The following APBA1 variants were observed in gnomAD, a reference collection of about 807,000 sequenced individuals.
The protein encoded by APBA1 is amyloid-beta A4 precursor protein-binding family A member 1.
A neutral mutation model predicts 86.6 loss-of-function variants in APBA1; 55 were observed. That is an observed-to-expected ratio of 0.64 (90% confidence interval 0.51 to 0.80). The LOEUF is 0.80. APBA1 is among the 30% of genes least tolerant of loss of function. The pLI, the probability that APBA1 is intolerant of heterozygous loss-of-function variation, is 0.00. For synonymous variants in APBA1, 511 were observed against 493.9 expected (o/e 1.03, Z -0.46); for missense variants, 1,090 against 1,183.0 (o/e 0.92, Z 1.15).
chr9:69,442,588 A>G (rs941276528), intron 10 of APBA1, among the ~76,000 whole-genome samples: 14 of 152,332 alleles, frequency 9.2e-5, no homozygotes, highest in Admixed American at 6.5e-5. Flanking sequence ...TCGCTCAGAG[A>G]CAGCACCTGC....
intron 2 of APBA1, among the ~76,000 whole-genome samples, chr9:69,490,699 C>T (rs1227573125): frequency 1.3e-5 from 2 of 152,068 alleles, no homozygotes; most frequent in East Asian, 3.9e-4. Context: ...TTTTGCAATC[C>T]ACTCCTCTGA....
intron 1 of APBA1, among the ~76,000 whole-genome samples, chr9:69,529,550 A>C (rs144872092): frequency 9.7e-4 from 147 of 152,274 alleles, no homozygotes; most frequent in African/African-American, 3.3e-3. Flanking sequence ...GTTGATCAGA[A>C]TGTAAAGAGA....
intron 1 of APBA1, among the ~76,000 whole-genome samples, chr9:69,646,391 T>C (rs1206588808): frequency 6.6e-6 from 1 of 152,208 alleles, no homozygotes; most frequent in African/African-American, 2.4e-5. Flanking sequence ...TCTGTAATTG[T>C]GCTGATCGTT....
At chr9:69,482,271 T>G (rs1835524446) in intron 2 of APBA1, among the ~76,000 whole-genome samples, 1 of 55,442 alleles carries the variant, frequency 1.8e-5, no homozygotes, top group African/African-American at 6.0e-5. Context: ...CAAACAAATT[T>G]ACAAGAAAAA....
intron 1 of APBA1, among the ~76,000 whole-genome samples, chr9:69,528,274 G>C (rs538559693): frequency 1.4e-4 from 21 of 152,126 alleles, no homozygotes; most frequent in Admixed American, 1.3e-3. Flanking sequence ...TCATCCACTT[G>C]GATTAATTCA....
chr9:69,545,501 G>C (rs1836683583), intron 1 of APBA1, among the ~76,000 whole-genome samples: 1 of 152,146 alleles, frequency 6.6e-6, no homozygotes, highest in Non-Finnish European at 1.5e-5. Flanking sequence ...ATATAAACAA[G>C]AACACAGGAT....
Position 69,431,175 on chromosome 9 carries a change from A to T in APBA1, c.*152T>A. ...AAAAAAAAAAAAGCAAATCGGAGAG[A>T]GTAAAGAGGTCCTTGTGGATTCTTC... On this transcript the variant is annotated 3_prime_UTR_variant, in exon 13 of 13. Coordinates refer to ENST00000265381, the MANE Select transcript of APBA1 (RefSeq NM_001163.4). 4.0e-6 allele frequency: 2 copies of T among 495,596 alleles called. No individual in the cohort carries two copies. The highest frequency in any genetic ancestry group is 3.6e-6 in the Non-Finnish European group (1 of 277,774). The allele number at this position is 495,596 out of a possible 1,614,324, so 30.7% of individuals were successfully genotyped here. A position where few individuals can be genotyped will look rare whatever the true frequency, so the allele number is the denominator to read the frequency against.
chr9:69,617,024 C>T (rs1026797331), intron 1 of APBA1, among the ~76,000 whole-genome samples: 1 of 152,076 alleles, frequency 6.6e-6, no homozygotes, highest in Admixed American at 6.6e-5. Flanking sequence ...GCCATTGTAA[C>T]CTTACACACA....
Position 69,619,866 on chromosome 9 carries a change from G to A in APBA1, c.-70+52287C>T, listed in dbSNP as rs548418445. On this transcript the variant is annotated intron_variant, in intron 1 of 12. Transcript: ENST00000265381. ...TGCACATACACACACATTATGTTCT[G>A]CTGAATGACATAAACTGCAACTTTT... Among the ~76,000 whole-genome samples, 6 of 152,248 alleles carry A rather than the reference G, an allele frequency of 3.9e-5. No homozygotes were observed. The East Asian group carries it at 7.7e-4, about 20-fold the overall frequency.
At chr9:69,530,791 A>T (rs1264907462) in intron 1 of APBA1, among the ~76,000 whole-genome samples, 3 of 152,196 alleles carry the variant, frequency 2.0e-5, no homozygotes, top group African/African-American at 7.2e-5. Flanking sequence ...ATTATATCAC[A>T]TACCACACCA....
At chr9:69,486,433 T>G (rs2133853115) in intron 2 of APBA1, among the ~76,000 whole-genome samples, 1 of 152,222 alleles carries the variant, frequency 6.6e-6, no homozygotes, top group African/African-American at 2.4e-5. Flanking sequence ...TCTGTGTTCC[T>G]AACACTGGGC....
intron 1 of APBA1, among the ~76,000 whole-genome samples, chr9:69,546,296 G>A (rs75707266): frequency 0.016 from 2,476 of 152,294 alleles, 65 homozygotes; most frequent in African/African-American, 0.056. Flanking sequence ...ATTCTGATGC[G>A]GAGGTCAGTC....
intron 10 of APBA1, among the ~76,000 whole-genome samples, chr9:69,444,326 C>T (rs201952273): frequency 1.3e-5 from 2 of 152,224 alleles, no homozygotes; most frequent in East Asian, 1.9e-4. Flanking sequence ...TCCAGGCCTT[C>T]CATATGCGGC....
rs562236014 is a variant in APBA1, at chr9:69,450,635, T to C, written c.1969-839A>G. ...GGAGACACATTCTGTTAAGGTTGAA[T>C]TGTGTCCCCCCAAAATTTGTATGTT... is the stretch of plus-strand genomic sequence containing the variant. On this transcript the variant is annotated intron_variant, in intron 9 of 12. Transcript: ENST00000265381. Among the ~76,000 whole-genome samples, 27 of 152,310 alleles carry C rather than the reference T, an allele frequency of 1.8e-4. No individual in the cohort carries two copies. The South Asian group carries it at 2.3e-3, about 13-fold the overall frequency.
chr9:69,485,777 C>G lies in APBA1; in HGVS notation c.1201-9634G>C, dbSNP rs543528980. Among the ~76,000 whole-genome samples the G allele has an allele frequency of 2.0e-5, 3 of 152,218 alleles. No homozygotes were observed. In the South Asian group the frequency reaches 6.2e-4, roughly 32 times the overall value. ...AAATGTTCTAGCAGATTCTCTACAG[C>G]TACCATCTAAGTTTTACCACCACAG... On this transcript the variant is annotated intron_variant, in intron 2 of 12. Coordinates refer to ENST00000265381, the MANE Select transcript of APBA1 (RefSeq NM_001163.4).
intron 4 of APBA1, among the ~76,000 whole-genome samples, chr9:69,469,098 C>A (rs910973539): frequency 6.6e-6 from 1 of 152,022 alleles, no homozygotes; most frequent in Non-Finnish European, 1.5e-5. Flanking sequence ...TGGGCTCAAG[C>A]AATTTGCCCG....
chr9:69,536,817 T>C (rs1435816926), intron 1 of APBA1, among the ~76,000 whole-genome samples: 1 of 150,736 alleles, frequency 6.6e-6, no homozygotes, highest in African/African-American at 2.4e-5. Flanking sequence ...GAGGCTGAGG[T>C]TGCAGTGAAC....
At chr9:69,654,895 G>A (rs985667475) in intron 1 of APBA1, among the ~76,000 whole-genome samples, 2 of 152,120 alleles carry the variant, frequency 1.3e-5, no homozygotes, top group African/African-American at 4.8e-5. Context: ...TGAAAGGATG[G>A]TTCAATATAG....
At chr9:69,473,359 G>A (rs993192784) in intron 3 of APBA1, among the ~76,000 whole-genome samples, 2 of 152,050 alleles carry the variant, frequency 1.3e-5, no homozygotes, top group Non-Finnish European at 2.9e-5. Flanking sequence ...TCTTCATAGG[G>A]GCCTAAAACT....
Sources: allele counts gnomAD v4.1 joint callset (sites outside exome capture counted in the v4.1 genomes callset), GRCh38; gene constraint gnomAD v4.1.1; transcripts MANE v1.5; gene names NCBI Gene and HGNC (gene_info 2026-07-23, HGNC 2026-07-21).